Variants in ZNF362 observed in about 807,000 individuals in gnomAD.
ZNF362 encodes zinc finger protein 362, also known as rotund homolog.
ZNF362 carries 11 observed loss-of-function variants against 42.9 expected under a neutral mutation model. The ratio of observed to expected loss-of-function variants is 0.26; its 90% CI spans 0.16 to 0.42. ZNF362 has a LOEUF of 0.42. Among genes scored for constraint, ZNF362 ranks in the 20% least tolerant of loss-of-function variants. The pLI, the probability that ZNF362 is intolerant of heterozygous loss-of-function variation, is 1.00. For synonymous variants in ZNF362, 255 were observed against 257.3 expected, an observed-to-expected ratio of 0.99 and a Z score of 0.09; for missense variants, 362 against 576.2, an observed-to-expected ratio of 0.63 and a Z score of 3.81.
chr1:33,241,549 C>G, the ZNF362 span, among the ~76,000 whole-genome samples: 1 of 149,952 alleles, frequency 6.7e-6, no homozygotes, highest in Non-Finnish European at 1.5e-5. Flanking sequence ...TATGTTTACA[C>G]TAAAATAAAT....
the ZNF362 span, among the ~76,000 whole-genome samples, chr1:33,184,973 G>T: frequency 6.6e-6 from 1 of 151,928 alleles, no homozygotes; most frequent in African/African-American, 2.4e-5. Flanking sequence ...TAAAGACAGG[G>T]TTTCACCATA....
Position 33,266,437 on chromosome 1 carries a change from G to A in ZNF362, c.-88-4050G>A, listed in dbSNP as rs1333832235. Reference sequence around the variant, plus strand: ...AGGCCTAAAGCATATTTAGGTGCATGGTATTAATACAAAGGTGGGGTAGGG... The same window carrying A: ...AGGCCTAAAGCATATTTAGGTGCATAGTATTAATACAAAGGTGGGGTAGGG... On this transcript the variant is annotated intron_variant, in intron 1 of 8. Coordinates refer to ENST00000539719, the MANE Select transcript of ZNF362 (RefSeq NM_152493.3). This position sits in a 1 kb window ranked among gnomAD's most constrained non-coding sequence, Gnocchi z 4.3. Among the ~76,000 whole-genome samples the A allele has an allele frequency of 6.6e-6, 1 of 152,172 alleles. No individual in the cohort carries two copies. Among genetic ancestry groups the A allele is most frequent in the Non-Finnish European group, 1.5e-5 (1 of 68,044 alleles).
the ZNF362 span, among the ~76,000 whole-genome samples, chr1:33,137,012 A>G: frequency 1.3e-5 from 2 of 151,056 alleles, no homozygotes; most frequent in African/African-American, 2.4e-5. Flanking sequence ...AAAAAAAAAG[A>G]AAAGAAAATC....
In ZNF362 at chr1:33,294,871, T is replaced by A; in HGVS notation, c.909-66T>A. The A allele has an allele frequency of 6.3e-7, 1 of 1,580,008 alleles. No homozygotes were observed. Among genetic ancestry groups the A allele is most frequent in the Non-Finnish European group, 8.7e-7 (1 of 1,150,122 alleles). On this transcript the variant is annotated intron_variant, in intron 6 of 8. Coordinates refer to ENST00000539719, the MANE Select transcript of ZNF362 (RefSeq NM_152493.3). This position sits in a 1 kb window ranked among gnomAD's most constrained non-coding sequence, Gnocchi z 4.2. ...GAGGCTTAGGGGCCAGAGTAAGGAC[T>A]TGGGAACTGGAGCGGTCTTGGGGTG...
upstream of ZNF362, among the ~76,000 whole-genome samples, chr1:33,251,623 C>T (rs1469280844): frequency 6.6e-6 from 1 of 152,204 alleles, no homozygotes; most frequent in African/African-American, 2.4e-5. Context: ...CTATCTGGGC[C>T]TGCCTACGAC....
chr1:33,142,021 G>T, the ZNF362 span: 1 of 152,508 alleles, frequency 6.6e-6, no homozygotes, highest in South Asian at 2.1e-4. Context: ...TAGGAAGATT[G>T]TGTAGAATCT....
the ZNF362 span, among the ~76,000 whole-genome samples, chr1:33,247,545 C>T: frequency 2.6e-5 from 4 of 152,334 alleles, no homozygotes; most frequent in South Asian, 4.1e-4. Context: ...GGCAAAAGGC[C>T]GAACCAGATG....
the ZNF362 span, among the ~76,000 whole-genome samples, chr1:33,213,877 C>A: frequency 0.71 from 106,149 of 149,348 alleles, 38,050 homozygotes; most frequent in Non-Finnish European, 0.76. Flanking sequence ...CAAAACAAAA[C>A]AAAAAAAACA....
the ZNF362 span, among the ~76,000 whole-genome samples, chr1:33,190,132 G>A: frequency 6.6e-6 from 1 of 152,166 alleles, no homozygotes; most frequent in Non-Finnish European, 1.5e-5. Context: ...AATGGGTGAG[G>A]GATAGTGATT....
chr1:33,162,317 C>A, the ZNF362 span, among the ~76,000 whole-genome samples: 196 of 152,344 alleles, frequency 1.3e-3, 1 homozygote, highest in African/African-American at 4.6e-3. Flanking sequence ...TACCCAAACC[C>A]TGTATTCAAC....
the ZNF362 span, chr1:33,159,819 G>A: frequency 6.2e-7 from 1 of 1,613,834 alleles, no homozygotes; most frequent in Non-Finnish European, 8.5e-7. This position sits in a 1 kb window ranked among gnomAD's most constrained non-coding sequence, Gnocchi z 4.2. Flanking sequence ...TCTGCTCGAT[G>A]TCGGTCAGCG....
the ZNF362 span, among the ~76,000 whole-genome samples, chr1:33,199,413 T>C: frequency 6.6e-6 from 1 of 152,134 alleles, no homozygotes; most frequent in Non-Finnish European, 1.5e-5. Context: ...GCTAGAATTC[T>C]ACACCCATTG....
At chr1:33,275,057 T>C (rs1645933437) in intron 2 of ZNF362, 1 of 985,326 alleles carries the variant, frequency 1.0e-6, no homozygotes, top group Admixed American at 6.1e-5. Context: ...CATTTTGGTC[T>C]TTCCTGTCAA....
chr1:33,129,377 G>C, the ZNF362 span, among the ~76,000 whole-genome samples: 1 of 152,182 alleles, frequency 6.6e-6, no homozygotes, highest in Non-Finnish European at 1.5e-5. This position sits in a 1 kb window ranked among gnomAD's most constrained non-coding sequence, Gnocchi z 4.1. Flanking sequence ...AGCAACTGCA[G>C]ACCTTAAGCC....
the ZNF362 span, among the ~76,000 whole-genome samples, chr1:33,134,510 T>C: frequency 3.9e-5 from 6 of 152,128 alleles, no homozygotes; most frequent in Admixed American, 3.3e-4. Context: ...TAAAGGACTA[T>C]CCTATGGAAA....
the ZNF362 span, among the ~76,000 whole-genome samples, chr1:33,251,382 C>G: frequency 1.3e-5 from 2 of 152,190 alleles, no homozygotes; most frequent in Non-Finnish European, 2.9e-5. Context: ...CCACTTCTCT[C>G]CACCTCTGCC....
chr1:33,251,817 C>T (rs1356976588), upstream of ZNF362, among the ~76,000 whole-genome samples: 1 of 152,228 alleles, frequency 6.6e-6, no homozygotes, highest in African/African-American at 2.4e-5. Context: ...ACACTTCCAG[C>T]CTCGTATGAG....
At chr1:33,169,680 A>G in the ZNF362 span, among the ~76,000 whole-genome samples, 1 of 152,242 alleles carries the variant, frequency 6.6e-6, no homozygotes, top group Non-Finnish European at 1.5e-5. Flanking sequence ...GTGCTGTTCA[A>G]TACGACACAC....
chr1:33,226,305 T>A, the ZNF362 span, among the ~76,000 whole-genome samples: 1 of 152,186 alleles, frequency 6.6e-6, no homozygotes, highest in African/African-American at 2.4e-5. Context: ...AGCTAAGACA[T>A]GTCAAAATCT....
Sources: gnomAD v4.1 joint callset for allele counts (sites outside exome capture counted in the v4.1 genomes callset) on GRCh38, gnomAD v4.1.1 for gene constraint, Gnocchi (gnomAD v3.1) non-coding constraint, MANE v1.5 for transcripts, NCBI Gene and HGNC (gene_info 2026-07-23, HGNC 2026-07-21) for gene names.